Variants in C6orf89 observed in about 807,000 individuals in gnomAD.
The protein encoded by C6orf89 is bombesin receptor-activated protein C6orf89.
C6orf89 carries 29 observed loss-of-function variants against 40.7 expected under a neutral mutation model. That is an observed-to-expected ratio of 0.71 (90% CI 0.53 to 0.97). The LOEUF is 0.97. Among genes scored for constraint, C6orf89 ranks in the 50% least tolerant of loss-of-function variants. The pLI, the probability that C6orf89 is intolerant of heterozygous loss-of-function variation, is 0.00. For synonymous variants in C6orf89, 165 were observed against 152.2 expected, an observed-to-expected ratio of 1.08 and a Z score of -0.62; for missense variants, 392 against 429.1, an observed-to-expected ratio of 0.91 and a Z score of 0.76.
chr6:36,889,115 A>G (rs1775099396), intron 1 of C6orf89, among the ~76,000 whole-genome samples: 1 of 152,208 alleles, frequency 6.6e-6, no homozygotes. Context: ...AAGAAGGTCA[A>G]GGATAACTGG....
chr6:36,884,741 A>G (rs925676145), upstream of C6orf89, among the ~76,000 whole-genome samples: 3 of 152,178 alleles, frequency 2.0e-5, no homozygotes, highest in East Asian at 5.8e-4. This position sits in a 1 kb window ranked among gnomAD's most constrained non-coding sequence, Gnocchi z 4.0. Context: ...ATTATTTTGG[A>G]CTGAGCTCAT....
rs753172027 is a variant in C6orf89, at chr6:36,894,498, T to G, written c.-119-6T>G. On this transcript the variant is annotated splice_polypyrimidine_tract_variant and splice_region_variant and intron_variant, in intron 1 of 8. Coordinates refer to ENST00000480824, the MANE Select transcript of C6orf89 (RefSeq NM_001286635.2). ...GTAATAAGTTATCCCTTTACTCTAT[T>G]TGCAGGAATCATTGTAGTCAATCAT... 81 of 983,702 alleles carry G rather than the reference T, an allele frequency of 8.2e-5. No homozygotes were observed. Among genetic ancestry groups the G allele is most frequent in the Admixed American group, 3.1e-4 (5 of 16,272 alleles). 60.9% of individuals were successfully genotyped at this position (983,702 alleles called of 1,614,324 possible).
At chr6:36,899,400 A>G (rs760461422) in intron 2 of C6orf89, 26 bp from the exon 3 acceptor site, 65 of 1,608,520 alleles carry the variant, frequency 4.0e-5, no homozygotes, top group Middle Eastern at 1.7e-4. Flanking sequence ...TTCTTTTTAC[A>G]TTTATTTTCT....
intron 8 of C6orf89, among the ~76,000 whole-genome samples, chr6:36,921,091 T>G (rs1762494273): frequency 6.6e-6 from 1 of 152,122 alleles, no homozygotes; most frequent in Non-Finnish European, 1.5e-5. Context: ...TGTGCCTGGC[T>G]GGTTTGTTGA....
At position 36,916,793 on chromosome 6, in the gene C6orf89, G is replaced by A. The variant is rs564543641; in HGVS notation, c.825+219G>A. 2.6e-5 allele frequency among the ~76,000 whole-genome samples: 4 copies of A among 152,250 alleles called. No homozygotes were observed. In the East Asian group the frequency reaches 5.8e-4, roughly 22 times the overall value. ...GGTTTCCAGAAAATCTAGTTACCTTGCAAATCTGCCTCCTGCCCTTAACAC... is the reference window on the plus strand; with the variant it reads ...GGTTTCCAGAAAATCTAGTTACCTTACAAATCTGCCTCCTGCCCTTAACAC... On this transcript the variant is annotated intron_variant, in intron 7 of 8. Transcript: ENST00000480824.
chr6:36,907,571 T>TC, intron 4 of C6orf89, among the ~76,000 whole-genome samples: 1 of 152,198 alleles, frequency 6.6e-6, no homozygotes, highest in Non-Finnish European at 1.5e-5. Flanking sequence ...TTTTGACATC[T>TC]CCAACAGTGA....
At chr6:36,875,328 T>A (rs910267378) in intron 1 of C6orf89, among the ~76,000 whole-genome samples, 6 of 152,192 alleles carry the variant, frequency 3.9e-5, no homozygotes, top group African/African-American at 1.4e-4. Flanking sequence ...GAAAATAGAC[T>A]CGGCAGTTAA....
intron 3 of C6orf89, among the ~76,000 whole-genome samples, chr6:36,899,894 G>T (rs1392521057): frequency 6.6e-6 from 1 of 152,212 alleles, no homozygotes; most frequent in Non-Finnish European, 1.5e-5. Flanking sequence ...TTTGTTGTGT[G>T]TGTGTGTTTT....
chr6:36,889,417 AAGGG>A (rs1037486252), intron 1 of C6orf89, among the ~76,000 whole-genome samples: 32 of 152,274 alleles, frequency 2.1e-4, no homozygotes, highest in African/African-American at 7.7e-4. Context: ...CTTTCCTCTG[AAGGG>A]AGGGAGGGAG....
rs41272192 is a variant in C6orf89, at chr6:36,924,795, C to G, written c.*1354C>G. 13,783 of 152,188 alleles carry G rather than the reference C, an allele frequency of 0.091. 770 individuals are homozygous for G. Among genetic ancestry groups the G allele is most frequent in the Admixed American group, 0.13 (1,985 of 15,272 alleles). 9.4% of individuals were successfully genotyped at this position (152,188 alleles called of 1,614,324 possible). Reference sequence around the variant, plus strand: ...AGAAATCAAAGGATGCAGTAGGTGTCTATGTCAGAATTATGGATCAGAGGC... The same window carrying G: ...AGAAATCAAAGGATGCAGTAGGTGTGTATGTCAGAATTATGGATCAGAGGC... On this transcript the variant is annotated 3_prime_UTR_variant, in exon 9 of 9. Coordinates refer to ENST00000480824, the MANE Select transcript of C6orf89 (RefSeq NM_001286635.2).
rs1583206412 is a variant in C6orf89 at position 36,921,964 on chromosome 6, G to A, written c.950-1383G>A. Among the ~76,000 whole-genome samples, 4 of 152,280 alleles carry A rather than the reference G, an allele frequency of 2.6e-5. No individual in the cohort carries two copies. The East Asian group carries it at 7.7e-4, about 29-fold the overall frequency. ...GATCTCTTGAGCCCAGGAATTTGAG[G>A]CTGCAGTGAGCTATGACTGCACCGC... On this transcript the variant is annotated intron_variant, in intron 8 of 8. Coordinates refer to ENST00000480824, the MANE Select transcript of C6orf89 (RefSeq NM_001286635.2).
intron 4 of C6orf89, among the ~76,000 whole-genome samples, chr6:36,904,597 G>A (rs916968273): frequency 1.3e-5 from 2 of 152,176 alleles, no homozygotes; most frequent in African/African-American, 4.8e-5. Flanking sequence ...AAACACATGA[G>A]GGAGAATTAA....
upstream of C6orf89, among the ~76,000 whole-genome samples, chr6:36,883,533 G>A (rs1406337774): frequency 1.3e-5 from 2 of 152,094 alleles, no homozygotes; most frequent in Non-Finnish European, 2.9e-5. Flanking sequence ...GCACTTATAG[G>A]GTATACTTTT....
intron 4 of C6orf89, among the ~76,000 whole-genome samples, chr6:36,909,388 T>C (rs1762042303): frequency 1.3e-5 from 2 of 152,184 alleles, no homozygotes; most frequent in African/African-American, 4.8e-5. Context: ...ACAGCATATG[T>C]TGATCATTGA....
At chr6:36,902,511 G>A in intron 4 of C6orf89, 77 bp downstream of exon 4, 2 of 1,330,236 alleles carry the variant, frequency 1.5e-6, no homozygotes, top group Non-Finnish European at 2.1e-6. Context: ...AACATTTATT[G>A]ATACCTAATG....
intron 8 of C6orf89, among the ~76,000 whole-genome samples, chr6:36,920,005 G>A (rs1031486359): frequency 6.6e-6 from 1 of 152,138 alleles, no homozygotes; most frequent in Non-Finnish European, 1.5e-5. Context: ...TAGATGAAAA[G>A]GTTGAGACCC....
intron 4 of C6orf89, 79 bp from the exon 5 acceptor site, chr6:36,914,205 T>G: frequency 8.1e-7 from 1 of 1,242,030 alleles, no homozygotes; most frequent in Non-Finnish European, 1.1e-6. Flanking sequence ...TTTCCTTTCT[T>G]GTTTCATTGT....
chr6:36,921,420 A>C (rs1224769647), intron 8 of C6orf89, among the ~76,000 whole-genome samples: 2 of 152,174 alleles, frequency 1.3e-5, no homozygotes, highest in Non-Finnish European at 2.9e-5. Flanking sequence ...TGCAAGTTCT[A>C]TGATTTTTGA....
chr6:36,872,811 T>C (rs1404761297), intron 1 of C6orf89, among the ~76,000 whole-genome samples: 2 of 152,192 alleles, frequency 1.3e-5, no homozygotes, highest in Non-Finnish European at 2.9e-5. Flanking sequence ...GGTTTCACCA[T>C]GTTGCCCGGG....
Sources: allele counts gnomAD v4.1 joint callset (sites outside exome capture counted in the v4.1 genomes callset), GRCh38; gene constraint gnomAD v4.1.1; non-coding constraint Gnocchi (gnomAD v3.1); transcripts MANE v1.5; gene names NCBI Gene and HGNC (gene_info 2026-07-23, HGNC 2026-07-21).